IFT70A: variants seen among roughly 807,000 people sequenced by gnomAD.
IFT70A encodes intraflagellar transport protein 70A.
At chr2:177,618,672 G>T in the IFT70A span, 5 of 1,596,044 alleles carry the variant, frequency 3.1e-6, no homozygotes, top group Non-Finnish European at 3.4e-6. Flanking sequence ...ACTCCCCGTC[G>T]GGGATCTGCG....
At chr2:177,616,656 T>C in the IFT70A span, 5 of 1,423,172 alleles carry the variant, frequency 3.5e-6, no homozygotes, top group East Asian at 4.8e-5. Context: ...TAAAAAAAAG[T>C]GTGGTACGTA....
the IFT70A span, chr2:177,615,820 G>A: frequency 5.3e-5 from 8 of 151,936 alleles, no homozygotes; most frequent in Non-Finnish European, 1.0e-4. Context: ...AAAATTAGAA[G>A]GTATGGAACT....
At chr2:177,617,876 C>G in the IFT70A span, 10 of 1,614,086 alleles carry the variant, frequency 6.2e-6, no homozygotes, top group Non-Finnish European at 8.5e-6. Flanking sequence ...GGTGGCATGT[C>G]GGTGAGGGTT....
At chr2:177,618,278 C>T in the IFT70A span, 9 of 1,614,104 alleles carry the variant, frequency 5.6e-6, no homozygotes, top group Admixed American at 3.3e-5. Context: ...CCCCCTTCCC[C>T]ACTCAGCAGC....
At chr2:177,617,835 G>C in the IFT70A span, 53 of 1,614,058 alleles carry the variant, frequency 3.3e-5, 1 homozygote, top group East Asian at 8.0e-4. Context: ...GGTTGTGCAG[G>C]GTCACAGGGT....
chr2:177,616,898 T>C, the IFT70A span: 2 of 1,595,904 alleles, frequency 1.3e-6, no homozygotes, highest in Non-Finnish European at 8.5e-7. Flanking sequence ...TGAATGACTA[T>C]CATGTGTTTT....
the IFT70A span, chr2:177,617,470 T>C: frequency 1.9e-6 from 3 of 1,614,044 alleles, no homozygotes; most frequent in South Asian, 3.3e-5. Context: ...ATTCACTGCC[T>C]TTTTGATAGC....
the IFT70A span, chr2:177,618,156 C>T: frequency 6.2e-7 from 1 of 1,614,254 alleles, no homozygotes; most frequent in Non-Finnish European, 8.5e-7. Flanking sequence ...AGCCCGAGGC[C>T]TGCAGTGTGG....
At chr2:177,618,145 T>C in the IFT70A span, 1 of 1,614,260 alleles carries the variant, frequency 6.2e-7, no homozygotes, top group Non-Finnish European at 8.5e-7. Context: ...GTCAGGCTGG[T>C]AGCCCGAGGC....
the IFT70A span, chr2:177,616,268 G>A: frequency 6.5e-6 from 1 of 153,828 alleles, no homozygotes; most frequent in Non-Finnish European, 1.4e-5. Flanking sequence ...TAGCAAAATA[G>A]ACATGGCTTT....
chr2:177,615,933 A>G, the IFT70A span: 1 of 152,160 alleles, frequency 6.6e-6, no homozygotes, highest in African/African-American at 2.4e-5. Context: ...AAAAATATTA[A>G]TAAGCTTCCA....
At chr2:177,617,324 A>G in the IFT70A span, 2 of 1,587,294 alleles carry the variant, frequency 1.3e-6, no homozygotes, top group Non-Finnish European at 1.7e-6. Flanking sequence ...TTCAACTTCC[A>G]CACATCATGG....
chr2:177,614,738 A>G, the IFT70A span: 2 of 152,034 alleles, frequency 1.3e-5, no homozygotes, highest in East Asian at 3.9e-4. Flanking sequence ...AAGATAAAAA[A>G]GGGAAAGAGA....
chr2:177,618,320 C>A, the IFT70A span: 3 of 1,613,982 alleles, frequency 1.9e-6, no homozygotes, highest in African/African-American at 1.3e-5. Flanking sequence ...CCTGGCAGAT[C>A]GCCCTCGCTA....
the IFT70A span, chr2:177,615,354 CA>C: frequency 6.6e-6 from 1 of 152,066 alleles, no homozygotes; most frequent in Non-Finnish European, 1.5e-5. Flanking sequence ...TCTTCCCGAA[CA>C]AAAACAAACA....
the IFT70A span, chr2:177,618,137 C>T: frequency 1.9e-5 from 30 of 1,614,138 alleles, no homozygotes; most frequent in Non-Finnish European, 2.4e-5. Flanking sequence ...TAGGAAAGGT[C>T]AGGCTGGTAG....
chr2:177,613,806 A>G, the IFT70A span: 1 of 152,198 alleles, frequency 6.6e-6, no homozygotes, highest in Non-Finnish European at 1.5e-5. Flanking sequence ...TTTTGAATTA[A>G]GGTATTCAGT....
At chr2:177,617,964 A>T in the IFT70A span, 1 of 1,613,874 alleles carries the variant, frequency 6.2e-7, no homozygotes, top group Non-Finnish European at 8.5e-7. Flanking sequence ...GAGCAGTCTG[A>T]TGGAGAACTA....
chr2:177,616,691 C>T, the IFT70A span: 1,049 of 1,455,606 alleles, frequency 7.2e-4, 15 homozygotes, highest in East Asian at 0.022. Flanking sequence ...AAAAAAGCCA[C>T]TATCAGTCAT....
Sources: gnomAD v4.1 joint callset for allele counts on GRCh38, gnomAD v4.1.1 for gene constraint, MANE v1.5 for transcripts, NCBI Gene and HGNC (gene_info 2026-07-23, HGNC 2026-07-21) for gene names.